GIGYF2: variants seen among roughly 807,000 people sequenced by gnomAD.
The protein encoded by GIGYF2 is GRB10-interacting GYF protein 2.
Under a neutral mutation model 208.1 loss-of-function variants are expected in GIGYF2, and 25 were observed. The observed-to-expected ratio is 0.12, with a 90% CI of 0.09 to 0.17. The LOEUF (loss-of-function observed/expected upper bound fraction) is 0.17. Ranked by LOEUF, GIGYF2 falls within the 10% of genes least tolerant of loss-of-function variation. The pLI is 1.00. For missense variants in GIGYF2, 1,302 were observed against 1,579.4 expected, an observed-to-expected ratio of 0.82 and a Z score of 2.98; for synonymous variants, 534 against 543.8, an observed-to-expected ratio of 0.98 and a Z score of 0.25.
At chr2:232,796,579 C>T (rs1162218405) in intron 14 of GIGYF2, among the ~76,000 whole-genome samples, 2 of 152,212 alleles carry the variant, frequency 1.3e-5, no homozygotes, top group African/African-American at 2.4e-5. Context: ...AATTCGAATA[C>T]AGCCTGGCGT....
At position 232,781,287 on chromosome 2, in the gene GIGYF2, TACACACACACACACACACAC is replaced by T. The variant is rs3062047; in HGVS notation, c.533-5847_533-5828del. Among the ~76,000 whole-genome samples, 15 of 127,120 alleles carry T rather than the reference TACACACACACACACACACAC, an allele frequency of 1.2e-4. 1 individual carries two copies. The highest frequency in any genetic ancestry group is 7.6e-4 in the Admixed American group (9 of 11,878). 83.4% of individuals were successfully genotyped at this position (127,120 alleles called of 152,430 possible). The stretch of plus-strand genomic sequence containing the variant: ...TATTTATTTTAAATTATATCAGGAA[TACACACACACACACACACAC>T]ACACACACACACACAACTTATAAAG... On this transcript the variant is annotated intron_variant, in intron 8 of 28. Coordinates refer to ENST00000373563, the MANE Select transcript of GIGYF2 (RefSeq NM_001103146.3).
At chr2:232,838,574 A>C (rs1297775209) in intron 22 of GIGYF2, among the ~76,000 whole-genome samples, 2 of 152,190 alleles carry the variant, frequency 1.3e-5, no homozygotes, top group Non-Finnish European at 2.9e-5. Context: ...GAATGATTAA[A>C]ATATGCTGAT....
At chr2:232,825,843 A>G (rs1023540493) in intron 21 of GIGYF2, among the ~76,000 whole-genome samples, 5 of 151,018 alleles carry the variant, frequency 3.3e-5, no homozygotes. Context: ...TCCTAATGCT[A>G]TCCCTCCCCC....
At chr2:232,794,258 C>G (rs1700155710) in intron 12 of GIGYF2, among the ~76,000 whole-genome samples, 1 of 152,146 alleles carries the variant, frequency 6.6e-6, no homozygotes, top group Non-Finnish European at 1.5e-5. Flanking sequence ...AGGTAGACTC[C>G]AAGTGCTTCT....
intron 21 of GIGYF2, among the ~76,000 whole-genome samples, chr2:232,824,519 ACT>A (rs892849286): frequency 6.6e-6 from 1 of 152,048 alleles, no homozygotes; most frequent in Non-Finnish European, 1.5e-5. Context: ...AGGCCTCAAA[ACT>A]CTCTTCAATT....
At chr2:232,708,208 C>T (rs1255796517) in intron 2 of GIGYF2, among the ~76,000 whole-genome samples, 3 of 151,866 alleles carry the variant, frequency 2.0e-5, no homozygotes, top group African/African-American at 7.3e-5. Flanking sequence ...TATCCTCCCG[C>T]CTTGGTCTCC....
At chr2:232,757,382 T>A (rs1349509930) in intron 6 of GIGYF2, among the ~76,000 whole-genome samples, 1 of 151,986 alleles carries the variant, frequency 6.6e-6, no homozygotes, top group Non-Finnish European at 1.5e-5. Flanking sequence ...CCTGAGGAGA[T>A]GTTAGACTAA....
chr2:232,742,822 T>G (rs1423323297), intron 3 of GIGYF2, among the ~76,000 whole-genome samples: 1 of 152,114 alleles, frequency 6.6e-6, no homozygotes, highest in Non-Finnish European at 1.5e-5. Flanking sequence ...CTTAACTATG[T>G]TTGAGAATAT....
Position 232,844,461 on chromosome 2 carries a change from T to A in GIGYF2, c.3192T>A (p.Ser1064Arg), listed in dbSNP as rs1335838511. 3 of 1,611,900 alleles carry A rather than the reference T, an allele frequency of 1.9e-6. No homozygotes were observed. Among genetic ancestry groups the A allele is most frequent in the Non-Finnish European group, 2.5e-6 (3 of 1,178,032 alleles). ...AGTGGGCATCTGACCTAGTCAGTAGTATTTGGAGTAATGCTGACACTAAAA... is the reference window on the plus strand; with the variant it reads ...AGTGGGCATCTGACCTAGTCAGTAGAATTTGGAGTAATGCTGACACTAAAA... The part of the protein sequence containing the change: ...PNQWASDLVS[S>R]IWSNADTKNS... Residue 1064 changes from serine (S) to arginine (R), a missense_variant, in exon 25 of 29, where the codon AGT becomes AGA. Ser to Arg is a moderately radical substitution (Grantham distance 110, BLOSUM62 -1). Coordinates refer to ENST00000373563, the MANE Select transcript of GIGYF2 (RefSeq NM_001103146.3).
chr2:232,697,764 C>G (rs1695665648), intron 1 of GIGYF2, among the ~76,000 whole-genome samples: 1 of 152,194 alleles, frequency 6.6e-6, no homozygotes, highest in African/African-American at 2.4e-5. Flanking sequence ...AGCTGGAGGG[C>G]TCGCCTTCCT....
intron 2 of GIGYF2, chr2:232,729,672 GT>G: frequency 1.1e-6 from 1 of 876,260 alleles, no homozygotes; most frequent in South Asian, 1.4e-5. Flanking sequence ...ACTTGAACTA[GT>G]TTAGATGAGC....
rs905363623 is a variant in GIGYF2 at position 232,860,462 on chromosome 2, T to A, written c.*3602T>A. On this transcript the variant is annotated 3_prime_UTR_variant, in exon 29 of 29. Coordinates refer to ENST00000373563, the MANE Select transcript of GIGYF2 (RefSeq NM_001103146.3). The stretch of plus-strand genomic sequence containing the variant: ...AATATATATATAATATATACATATA[T>A]GTTATATACGTATATATATTGCACC... The A allele has an allele frequency of 6.7e-6, 1 of 149,920 alleles. No individual in the cohort carries two copies. The highest frequency in any genetic ancestry group is 1.5e-5 in the Non-Finnish European group (1 of 67,614). The allele number at this position is 149,920 out of a possible 1,614,324, so 9.3% of individuals were successfully genotyped here.
At chr2:232,836,518 AT>A (rs1701643805) in intron 22 of GIGYF2, among the ~76,000 whole-genome samples, 2 of 141,566 alleles carry the variant, frequency 1.4e-5, no homozygotes, top group Non-Finnish European at 3.0e-5. Flanking sequence ...GTGGGCCAAA[AT>A]CATACCACTG....
intron 8 of GIGYF2, among the ~76,000 whole-genome samples, chr2:232,770,639 A>G: frequency 6.6e-6 from 1 of 151,970 alleles, no homozygotes; most frequent in Non-Finnish European, 1.5e-5. Flanking sequence ...ATATTTCTGC[A>G]ATTTAGTATC....
chr2:232,849,819 C>T (rs112420605), intron 27 of GIGYF2, among the ~76,000 whole-genome samples: 98 of 152,292 alleles, frequency 6.4e-4, no homozygotes, highest in African/African-American at 2.1e-3. Context: ...ATAAGGTACA[C>T]GACTTTAACT....
intron 2 of GIGYF2, among the ~76,000 whole-genome samples, chr2:232,704,028 G>A (rs538077376): frequency 6.6e-6 from 1 of 152,318 alleles, no homozygotes; most frequent in African/African-American, 2.4e-5. Context: ...TGCTAGCACA[G>A]TGTTCACATT....
chr2:232,734,867 C>T (rs1380826855), intron 2 of GIGYF2, among the ~76,000 whole-genome samples: 2 of 152,192 alleles, frequency 1.3e-5, no homozygotes, highest in South Asian at 2.1e-4. Flanking sequence ...TTAACTTAGT[C>T]TCCAATGCCC....
At chr2:232,752,830 G>A (rs1205724035) in intron 5 of GIGYF2, among the ~76,000 whole-genome samples, 1 of 151,964 alleles carries the variant, frequency 6.6e-6, no homozygotes, top group Non-Finnish European at 1.5e-5. Context: ...ATGAGCCACC[G>A]CGCCTGGCCT....
At chr2:232,720,324 T>A (rs1323132031) in intron 2 of GIGYF2, among the ~76,000 whole-genome samples, 1 of 152,208 alleles carries the variant, frequency 6.6e-6, no homozygotes, top group Non-Finnish European at 1.5e-5. Context: ...TATGCCACAT[T>A]TTCTTAATCC....
Sources: allele counts gnomAD v4.1 joint callset (sites outside exome capture counted in the v4.1 genomes callset), GRCh38; gene constraint gnomAD v4.1.1; transcripts MANE v1.5; gene names NCBI Gene and HGNC (gene_info 2026-07-23, HGNC 2026-07-21).